NEGR1: variants seen among roughly 807,000 people sequenced by gnomAD.
NEGR1 encodes neuronal growth regulator 1.
Under a neutral mutation model 40.9 loss-of-function variants are expected in NEGR1, and 10 were observed. That is an observed-to-expected ratio of 0.24 (90% CI 0.15 to 0.42). The LOEUF (loss-of-function observed/expected upper bound fraction) is 0.42. Among genes scored for constraint, NEGR1 ranks in the 10% least tolerant of loss-of-function variants. NEGR1 has a pLI of 1.00. For missense variants in NEGR1, 352 were observed against 438.9 expected (o/e 0.80, Z 1.77); for synonymous variants, 185 against 166.8 (o/e 1.11, Z -0.84).
rs575440501 is a variant in NEGR1, at chr1:72,269,868, G to A, written c.176+12451C>T. Among the ~76,000 whole-genome samples the A allele has an allele frequency of 3.8e-4, 58 of 151,588 alleles. 1 individual carries two copies. The highest frequency in any genetic ancestry group is 1.3e-3 in the African/African-American group (55 of 41,422). ...AATATATAGCATGTACATTTAATAT[G>A]CCAAATATGTAATCTCATTTAAACA... On this transcript the variant is annotated intron_variant, in intron 1 of 6. Coordinates refer to ENST00000357731, the MANE Select transcript of NEGR1 (RefSeq NM_173808.3).
intron 6 of NEGR1, among the ~76,000 whole-genome samples, chr1:71,528,987 C>T (rs1190593326): frequency 3.3e-5 from 5 of 150,940 alleles, no homozygotes; most frequent in East Asian, 2.0e-4. Flanking sequence ...ATAGATGAAT[C>T]GTATTTCAAA....
At chr1:71,864,540 T>C (rs890696710) in intron 2 of NEGR1, among the ~76,000 whole-genome samples, 3 of 152,170 alleles carry the variant, frequency 2.0e-5, no homozygotes, top group South Asian at 2.1e-4. Context: ...TGTTGTATAG[T>C]AGGTGAAAAG....
At chr1:71,923,159 T>C (rs1033894758) in intron 2 of NEGR1, among the ~76,000 whole-genome samples, 8 of 152,160 alleles carry the variant, frequency 5.3e-5, no homozygotes, top group African/African-American at 1.9e-4. Context: ...GTCAGTAAGA[T>C]AGATACGATC....
intron 1 of NEGR1, among the ~76,000 whole-genome samples, chr1:71,937,015 T>C (rs547463534): frequency 7.2e-5 from 11 of 152,148 alleles, no homozygotes; most frequent in Non-Finnish European, 1.3e-4. Flanking sequence ...ACAGAACACC[T>C]TGGGGGATTG....
chr1:71,710,503 A>G (rs533518643), intron 3 of NEGR1, among the ~76,000 whole-genome samples: 11 of 152,348 alleles, frequency 7.2e-5, no homozygotes, highest in Non-Finnish European at 1.5e-5. Flanking sequence ...GAATGGATAA[A>G]TAAAATGTGG....
chr1:71,901,194 CTA>C (rs1363552532), intron 2 of NEGR1, among the ~76,000 whole-genome samples: 1 of 152,074 alleles, frequency 6.6e-6, no homozygotes, highest in African/African-American at 2.4e-5. Flanking sequence ...GGTTTTCATT[CTA>C]TATAGTTAGT....
intron 3 of NEGR1, among the ~76,000 whole-genome samples, chr1:71,730,877 CGT>C (rs59873481): frequency 0.14 from 18,741 of 129,736 alleles, 1,187 homozygotes; most frequent in East Asian, 0.2. Context: ...GTGAAGCATT[CGT>C]GTGTGTGTGT....
chr1:71,574,796 G>T (rs1648910909), intron 6 of NEGR1, among the ~76,000 whole-genome samples: 1 of 152,112 alleles, frequency 6.6e-6, no homozygotes, highest in African/African-American at 2.4e-5. Flanking sequence ...TAAGTGATGT[G>T]CATATGTTCT....
intron 2 of NEGR1, among the ~76,000 whole-genome samples, chr1:71,904,010 A>G (rs1661211653): frequency 6.6e-6 from 1 of 151,924 alleles, no homozygotes; most frequent in Non-Finnish European, 1.5e-5. Context: ...TATTTACATG[A>G]TATGAGAACT....
intron 6 of NEGR1, among the ~76,000 whole-genome samples, chr1:71,435,115 A>C (rs1241057999): frequency 5.3e-5 from 8 of 150,932 alleles, no homozygotes; most frequent in South Asian, 2.1e-4. Flanking sequence ...ACAAACAAAA[A>C]AAAAAAAAAA....
At chr1:72,137,184 G>A (rs1650499770) in intron 1 of NEGR1, among the ~76,000 whole-genome samples, 1 of 152,170 alleles carries the variant, frequency 6.6e-6, no homozygotes, top group Admixed American at 6.5e-5. Flanking sequence ...GGAAGACAGT[G>A]TGGCTACTCC....
At chr1:72,136,906 AC>A (rs1292595324) in intron 1 of NEGR1, among the ~76,000 whole-genome samples, 1 of 152,152 alleles carries the variant, frequency 6.6e-6, no homozygotes, top group East Asian at 1.9e-4. Context: ...AAGAAAAAAA[AC>A]AAACAACCCC....
At chr1:72,200,897 A>G (rs902227558) in intron 1 of NEGR1, among the ~76,000 whole-genome samples, 1 of 151,946 alleles carries the variant, frequency 6.6e-6, no homozygotes, top group African/African-American at 2.4e-5. Flanking sequence ...TAGATTATAT[A>G]CTTTACTAAT....
intron 1 of NEGR1, among the ~76,000 whole-genome samples, chr1:72,135,389 ACAAAAAACAAAAAAC>A (rs1650418288): frequency 7.8e-6 from 1 of 128,062 alleles, no homozygotes; most frequent in African/African-American, 2.9e-5. Context: ...AAAAAAAAAA[ACAAAAAACAAAAAAC>A]AAAAAAAAAA....
At chr1:71,595,748 G>A (rs1319753765) in intron 5 of NEGR1, among the ~76,000 whole-genome samples, 2 of 152,102 alleles carry the variant, frequency 1.3e-5, no homozygotes, top group African/African-American at 4.8e-5. Flanking sequence ...TTTGGTCACT[G>A]TGGGGAACTT....
At chr1:71,775,517 T>A (rs1483170957) in intron 3 of NEGR1, among the ~76,000 whole-genome samples, 1 of 151,866 alleles carries the variant, frequency 6.6e-6, no homozygotes, top group African/African-American at 2.4e-5. Flanking sequence ...TTCTAATTTT[T>A]GTATTTTTAC....
At chr1:71,834,887 T>TCACA (rs10524992) in intron 2 of NEGR1, among the ~76,000 whole-genome samples, 26 of 146,352 alleles carry the variant, frequency 1.8e-4, no homozygotes, top group South Asian at 4.5e-4. Flanking sequence ...TTTTAGGAGA[T>TCACA]CACACACACA....
intron 6 of NEGR1, among the ~76,000 whole-genome samples, chr1:71,440,449 G>A (rs745561110): frequency 6.6e-6 from 1 of 152,158 alleles, no homozygotes; most frequent in Non-Finnish European, 1.5e-5. Flanking sequence ...TAATTTTCAA[G>A]ACATAAAACT....
At chr1:72,023,831 T>C (rs1430390239) in intron 1 of NEGR1, among the ~76,000 whole-genome samples, 5 of 152,042 alleles carry the variant, frequency 3.3e-5, no homozygotes. Flanking sequence ...GTAAATGTCA[T>C]TATATTTTAT....
Sources: allele counts gnomAD v4.1 joint callset (sites outside exome capture counted in the v4.1 genomes callset), GRCh38; gene constraint gnomAD v4.1.1; transcripts MANE v1.5; gene names NCBI Gene and HGNC (gene_info 2026-07-23, HGNC 2026-07-21).